The following FBN1 variants were observed in gnomAD, a reference collection of about 807,000 sequenced individuals.
FBN1 encodes the protein fibrillin 1.
Under a neutral mutation model 365.1 loss-of-function variants are expected in FBN1, and 29 were observed. That is an observed-to-expected ratio of 0.08 (90% CI 0.06 to 0.11). The LOEUF is 0.11. FBN1 is among the 10% of genes least tolerant of loss of function. The pLI is 1.00. For missense variants in FBN1, 2,476 were observed against 3,703.2 expected (o/e 0.67, Z 8.60); for synonymous variants, 1,210 against 1,270.5 (o/e 0.95, Z 1.01).
At chr15:48,561,337 C>T (rs2044220909) in intron 6 of FBN1, among the ~76,000 whole-genome samples, 1 of 151,980 alleles carries the variant, frequency 6.6e-6, no homozygotes, top group Non-Finnish European at 1.5e-5. Context: ...CTACTAAGGC[C>T]CTACAATGAA....
At chr15:48,498,758 C>A (rs1430954389) in intron 18 of FBN1, among the ~76,000 whole-genome samples, 1 of 152,042 alleles carries the variant, frequency 6.6e-6, no homozygotes, top group Admixed American at 6.6e-5. Flanking sequence ...AGCACCTGAC[C>A]CCCTCAGTGG....
At chr15:48,485,213 G>A (rs2043494905) in intron 30 of FBN1, among the ~76,000 whole-genome samples, 161 bp downstream of exon 30, 1 of 152,170 alleles carries the variant, frequency 6.6e-6, no homozygotes, top group Non-Finnish European at 1.5e-5. Context: ...TCATTTTATA[G>A]ATGAGGATTC....
At chr15:48,417,546 T>A (rs2042912526) in intron 63 of FBN1, among the ~76,000 whole-genome samples, 1 of 150,712 alleles carries the variant, frequency 6.6e-6, no homozygotes, top group East Asian at 2.0e-4. Context: ...AGGTCTTTGA[T>A]CTTAACTGCC....
At chr15:48,417,464 C>CTTCCTTCCTTCA (rs2042911593) in intron 63 of FBN1, among the ~76,000 whole-genome samples, 1 of 120,634 alleles carries the variant, frequency 8.3e-6, no homozygotes, top group Non-Finnish European at 1.7e-5. Context: ...TCCTTCCTTC[C>CTTCCTTCCTTCA]TTCCTTTCCT....
At chr15:48,598,968 C>T (rs1318074842) in intron 5 of FBN1, among the ~76,000 whole-genome samples, 1 of 152,150 alleles carries the variant, frequency 6.6e-6, no homozygotes, top group Non-Finnish European at 1.5e-5. Context: ...AGTTTTCCTG[C>T]ACAAGCTCTT....
chr15:48,609,780 G>A (rs1381977268), intron 4 of FBN1, among the ~76,000 whole-genome samples: 1 of 152,176 alleles, frequency 6.6e-6, no homozygotes, highest in African/African-American at 2.4e-5. Context: ...TGAAGCCAAG[G>A]GAGGCAAGAG....
At chr15:48,422,822 G>A (rs2042953561) in intron 60 of FBN1, among the ~76,000 whole-genome samples, 1 of 152,096 alleles carries the variant, frequency 6.6e-6, no homozygotes, top group Non-Finnish European at 1.5e-5. Context: ...AGCTGGGTGT[G>A]GTGGTGTGTG....
rs1418649312 is a variant in FBN1, at chr15:48,515,450, G to C, written c.1405C>G (p.Pro469Ala). 1.2e-6 allele frequency: 2 copies of C among 1,613,992 alleles called. No individual in the cohort carries two copies. Among genetic ancestry groups the C allele is most frequent in the Non-Finnish European group, 1.7e-6 (2 of 1,179,926 alleles). The change falls in exon 12 of 66, where the codon CCT becomes GCT. Residue 469 changes from proline (P) to alanine (A), a missense_variant. Pro to Ala is a conservative substitution (Grantham distance 27, BLOSUM62 -1). Transcript: ENST00000316623. Reference sequence around the variant, plus strand: ...TTGCACTCACACCGGTAACTCCCAGGAGTTGGAATGCAGCGTCCATTTTGA... The same window carrying C: ...TTGCACTCACACCGGTAACTCCCAGCAGTTGGAATGCAGCGTCCATTTTGA... ...LCQNGRCIPT[P>A]GSYRCECNKG...
At chr15:48,607,016 T>A (rs368560233) in intron 4 of FBN1, among the ~76,000 whole-genome samples, 65 of 152,300 alleles carry the variant, frequency 4.3e-4, no homozygotes, top group African/African-American at 1.5e-3. Flanking sequence ...TCTATAGACA[T>A]TGGTGCCATG....
chr15:48,535,705 A>G (rs1241478788), intron 7 of FBN1, among the ~76,000 whole-genome samples: 1 of 152,228 alleles, frequency 6.6e-6, no homozygotes, highest in Non-Finnish European at 1.5e-5. Flanking sequence ...TATTAAAGAA[A>G]CAACAATTTA....
chr15:48,424,655 T>C (rs1270984571), intron 60 of FBN1, among the ~76,000 whole-genome samples: 1 of 152,230 alleles, frequency 6.6e-6, no homozygotes, highest in African/African-American at 2.4e-5. Context: ...GCTCTACCAC[T>C]TGGTCTATCT....
At chr15:48,532,227 T>C (rs2043978744) in intron 8 of FBN1, among the ~76,000 whole-genome samples, 1 of 152,232 alleles carries the variant, frequency 6.6e-6, no homozygotes, top group South Asian at 2.1e-4. Context: ...GAAGCCATCA[T>C]AATTTCAGAA....
At position 48,501,529 on chromosome 15, in the gene FBN1, A is replaced by C. The variant is rs960206628; in HGVS notation, c.2113+2258T>G. On this transcript the variant is annotated intron_variant, in intron 17 of 65. Transcript: ENST00000316623. Reference sequence around the variant, plus strand: ...ATCTGTGGTTTTCTGTTACTGCAACAAAAACTGGACTAAGACAACTGCTTA... The same window carrying C: ...ATCTGTGGTTTTCTGTTACTGCAACCAAAACTGGACTAAGACAACTGCTTA... 5.3e-5 allele frequency among the ~76,000 whole-genome samples: 8 copies of C among 152,372 alleles called. No individual in the cohort carries two copies. In the East Asian group the frequency reaches 7.7e-4, roughly 15 times the overall value.
rs74512835 is a variant in FBN1, at chr15:48,453,404, C to T, written c.5423-720G>A. 7.1e-3 allele frequency among the ~76,000 whole-genome samples: 1,072 copies of T among 151,398 alleles called. 11 individuals are homozygous for T. The highest frequency in any genetic ancestry group is 0.025 in the African/African-American group (1,017 of 41,272). On this transcript the variant is annotated intron_variant, in intron 44 of 65. Coordinates refer to ENST00000316623, the MANE Select transcript of FBN1 (RefSeq NM_000138.5). ...CGAATCAGAAGCCAATCTGGAAAGG[C>T]GACATAATGTATGATTCCAACCATA...
rs766660415 is a variant in FBN1, at chr15:48,490,022, T to C, written c.2911A>G (p.Ile971Val). Residue 971 changes from isoleucine to valine, a missense_variant, in exon 25 of 66, where the codon ATT becomes GTT. Transcript: ENST00000316623. ...GCGTCCATGCGGTGGCGGCCAGCAA[T>C]AGGCAGGGTGCACTCCTCGTCCTCG... is the stretch of plus-strand genomic sequence containing the variant. ...RYEDEECTLP[I>V]AGRHRMDACC... 3.0e-5 allele frequency: 48 copies of C among 1,613,894 alleles called. No homozygotes were observed. Among genetic ancestry groups the C allele is most frequent in the East Asian group, 6.7e-5 (3 of 44,884 alleles).
intron 44 of FBN1, among the ~76,000 whole-genome samples, chr15:48,455,779 TG>T (rs1187858129): frequency 6.6e-6 from 1 of 152,224 alleles, no homozygotes; most frequent in Non-Finnish European, 1.5e-5. Flanking sequence ...AACAAGTATG[TG>T]GTTAGGACTA....
At chr15:48,441,892 C>T (rs1458274046) in intron 49 of FBN1, 46 bp from the exon 50 acceptor site, 2 of 1,605,864 alleles carry the variant, frequency 1.2e-6, no homozygotes, top group Non-Finnish European at 8.5e-7. Context: ...ACGATGGAGA[C>T]ATCATCAGGT....
chr15:48,641,624 C>G (rs11070646), intron 2 of FBN1: 20,179 of 152,154 alleles, frequency 0.13, 1,401 homozygotes, highest in Non-Finnish European at 0.15. Flanking sequence ...CAGGCAGACT[C>G]GGGGGTTACA....
At chr15:48,504,041 G>A (rs2043687895) in intron 16 of FBN1, 102 bp from the exon 17 acceptor site, 2 of 1,369,756 alleles carry the variant, frequency 1.5e-6, no homozygotes, top group Non-Finnish European at 2.1e-6. Flanking sequence ...CATCCCTGGT[G>A]TAACTCACAG....
Sources: allele counts gnomAD v4.1 joint callset (sites outside exome capture counted in the v4.1 genomes callset), GRCh38; gene constraint gnomAD v4.1.1; transcripts MANE v1.5; gene names NCBI Gene and HGNC (gene_info 2026-07-23, HGNC 2026-07-21).